GRM8: variants seen among roughly 807,000 people sequenced by gnomAD.
GRM8 encodes metabotropic glutamate receptor 8.
Under a neutral mutation model 87.2 loss-of-function variants are expected in GRM8, and 47 were observed. The observed-to-expected ratio is 0.54, with a 90% CI of 0.43 to 0.69. GRM8 has a LOEUF of 0.69. Ranked by LOEUF, GRM8 falls within the 30% of genes least tolerant of loss-of-function variation. The pLI is 0.00. For missense variants in GRM8, 1,019 were observed against 1,139.2 expected, an observed-to-expected ratio of 0.89 and a Z score of 1.52; for synonymous variants, 396 against 404.5, an observed-to-expected ratio of 0.98 and a Z score of 0.25.
At chr7:127,073,063 G>A (rs1821883146) in intron 3 of GRM8, among the ~76,000 whole-genome samples, 2 of 152,038 alleles carry the variant, frequency 1.3e-5, no homozygotes, top group South Asian at 2.1e-4. Flanking sequence ...ATGAGAAGGA[G>A]AGTCAGTCAT....
At chr7:126,727,995 G>A (rs1341275747) in intron 7 of GRM8, among the ~76,000 whole-genome samples, 1 of 152,078 alleles carries the variant, frequency 6.6e-6, no homozygotes, top group African/African-American at 2.4e-5. Context: ...TGAAAGGGGC[G>A]GAGCTACTAA....
chr7:126,441,479 T>C (rs1403946054), intron 10 of GRM8, among the ~76,000 whole-genome samples: 2 of 152,100 alleles, frequency 1.3e-5, no homozygotes, highest in African/African-American at 4.8e-5. Flanking sequence ...ATGCAATGAA[T>C]CTCTGTCCTA....
chr7:126,621,399 C>A (rs933645384), intron 7 of GRM8, among the ~76,000 whole-genome samples: 5 of 152,084 alleles, frequency 3.3e-5, no homozygotes, highest in Admixed American at 3.3e-4. Flanking sequence ...TTTCCAATTA[C>A]CTTTTTTGTT....
intron 7 of GRM8, among the ~76,000 whole-genome samples, chr7:126,686,856 C>T (rs564607456): frequency 3.9e-5 from 6 of 152,342 alleles, no homozygotes; most frequent in African/African-American, 1.4e-4. Flanking sequence ...AAGCGACACC[C>T]CACGGATCCT....
At chr7:127,135,477 C>T (rs1042590479) in intron 2 of GRM8, among the ~76,000 whole-genome samples, 1 of 151,864 alleles carries the variant, frequency 6.6e-6, no homozygotes, top group Non-Finnish European at 1.5e-5. Flanking sequence ...CCCACCTTCC[C>T]TCCAGATTTA....
chr7:126,852,875 G>T (rs1260539855), intron 6 of GRM8, among the ~76,000 whole-genome samples: 1 of 151,932 alleles, frequency 6.6e-6, no homozygotes. Context: ...ACCTTTTTGA[G>T]TATTTTTAAG....
chr7:126,996,348 G>A (rs1358962793), intron 3 of GRM8, among the ~76,000 whole-genome samples: 1 of 149,630 alleles, frequency 6.7e-6, no homozygotes, highest in African/African-American at 2.5e-5. Context: ...TTTATCTTAA[G>A]TCAAAAGACT....
At chr7:126,618,901 C>T (rs962316894) in intron 7 of GRM8, among the ~76,000 whole-genome samples, 4 of 152,256 alleles carry the variant, frequency 2.6e-5, no homozygotes, top group Non-Finnish European at 4.4e-5. Flanking sequence ...TGTGGAGAAA[C>T]AGGAACACTT....
At chr7:126,925,374 C>T (rs1262757338) in intron 3 of GRM8, among the ~76,000 whole-genome samples, 1 of 152,148 alleles carries the variant, frequency 6.6e-6, no homozygotes, top group Non-Finnish European at 1.5e-5. Context: ...TATTAAATAT[C>T]TAACTCTTCT....
chr7:126,891,399 A>AAG (rs1247755265), intron 6 of GRM8, among the ~76,000 whole-genome samples: 2 of 151,944 alleles, frequency 1.3e-5, no homozygotes, highest in Admixed American at 6.6e-5. Flanking sequence ...TAATCTTTCT[A>AAG]AGATGGTGAT....
chr7:126,477,823 C>G (rs1353116759), intron 9 of GRM8, among the ~76,000 whole-genome samples: 1 of 152,130 alleles, frequency 6.6e-6, no homozygotes, highest in South Asian at 2.1e-4. Context: ...CTAACAAATT[C>G]ACACAAACTG....
intron 3 of GRM8, among the ~76,000 whole-genome samples, chr7:127,062,194 T>C (rs1228041629): frequency 1.3e-5 from 2 of 151,038 alleles, no homozygotes; most frequent in African/African-American, 2.4e-5. Flanking sequence ...AAAGGCTAAT[T>C]CCAGGTAATT....
chr7:126,499,598 G>A (rs749973563), intron 9 of GRM8, among the ~76,000 whole-genome samples: 40 of 151,496 alleles, frequency 2.6e-4, no homozygotes, highest in Non-Finnish European at 4.4e-4. Flanking sequence ...AATACTATTC[G>A]GCCTTTAAAA....
chr7:126,464,167 G>T (rs549503198), intron 9 of GRM8, among the ~76,000 whole-genome samples: 44 of 151,592 alleles, frequency 2.9e-4, no homozygotes, highest in Middle Eastern at 3.4e-3. Flanking sequence ...CAAGTTTCTT[G>T]TATGTATAAT....
intron 7 of GRM8, among the ~76,000 whole-genome samples, chr7:126,728,937 A>T (rs1324913530): frequency 1.3e-5 from 2 of 152,108 alleles, no homozygotes; most frequent in Non-Finnish European, 2.9e-5. Context: ...TAGCCTCACC[A>T]CTTCATTTCC....
chr7:127,006,601 C>T (rs1319803561), intron 3 of GRM8, among the ~76,000 whole-genome samples: 1 of 152,044 alleles, frequency 6.6e-6, no homozygotes, highest in South Asian at 2.1e-4. Flanking sequence ...AGAGTATTAA[C>T]TTAATGGAGA....
At chr7:126,659,577 A>G (rs934824749) in intron 7 of GRM8, among the ~76,000 whole-genome samples, 23 of 152,334 alleles carry the variant, frequency 1.5e-4, no homozygotes, top group African/African-American at 5.3e-4. Flanking sequence ...ACTACATACT[A>G]GTATTTAATT....
chr7:127,236,044 C>T (rs1057433204), intron 2 of GRM8, among the ~76,000 whole-genome samples: 12 of 152,016 alleles, frequency 7.9e-5, no homozygotes, highest in Admixed American at 7.9e-4. Context: ...TTTTGATTGA[C>T]AATTTATATG....
chr7:126,538,434 T>C (rs554720722), intron 8 of GRM8, among the ~76,000 whole-genome samples: 3 of 152,252 alleles, frequency 2.0e-5, no homozygotes, highest in Admixed American at 1.3e-4. Flanking sequence ...TAATTTTCAG[T>C]CTTCATTACA....
Sources: allele counts gnomAD v4.1 joint callset (sites outside exome capture counted in the v4.1 genomes callset), GRCh38; gene constraint gnomAD v4.1.1; transcripts MANE v1.5; gene names NCBI Gene and HGNC (gene_info 2026-07-23, HGNC 2026-07-21).